TIAM1: variants seen among roughly 807,000 people sequenced by gnomAD.
TIAM1 encodes TIAM Rac1 associated GEF 1, also known as rho guanine nucleotide exchange factor TIAM1.
A neutral mutation model predicts 163.5 loss-of-function variants in TIAM1; 65 were observed. The observed-to-expected ratio is 0.40, with a 90% confidence interval of 0.33 to 0.49. The LOEUF is 0.49. Ranked by LOEUF, TIAM1 falls within the 20% of genes least tolerant of loss-of-function variation. The pLI, the probability that TIAM1 is intolerant of heterozygous loss-of-function variation, is 0.77. For missense variants in TIAM1, 1,789 were observed against 2,044.7 expected (o/e 0.87, Z 2.41); for synonymous variants, 833 against 810.1 (o/e 1.03, Z -0.48).
intron 27 of TIAM1, among the ~76,000 whole-genome samples, chr21:31,121,092 G>A (rs2081984824): frequency 1.3e-5 from 2 of 152,172 alleles, no homozygotes; most frequent in South Asian, 2.1e-4. Context: ...AGGAGAGGTT[G>A]TAGGTTATGG....
At chr21:31,477,187 G>C (rs1463569566) in intron 1 of TIAM1, among the ~76,000 whole-genome samples, 4 of 152,162 alleles carry the variant, frequency 2.6e-5, no homozygotes, top group Non-Finnish European at 5.9e-5. Flanking sequence ...TAATCAGAGG[G>C]AGGTTTCCAC....
At chr21:31,350,202 C>T (rs534415147) in intron 2 of TIAM1, among the ~76,000 whole-genome samples, 22 of 152,252 alleles carry the variant, frequency 1.4e-4, no homozygotes, top group African/African-American at 5.3e-4. Flanking sequence ...AAGTAGCAGG[C>T]CACCCTTGTG....
chr21:31,550,998 G>C (rs1186406508), intron 1 of TIAM1, among the ~76,000 whole-genome samples: 1 of 151,986 alleles, frequency 6.6e-6, no homozygotes, highest in Non-Finnish European at 1.5e-5. Flanking sequence ...GGATCATGAG[G>C]TCAGGAGTTC....
intron 8 of TIAM1, among the ~76,000 whole-genome samples, 166 bp from the exon 9 acceptor site, chr21:31,217,865 G>T (rs1251596407): frequency 2.0e-5 from 3 of 152,168 alleles, no homozygotes; most frequent in African/African-American, 4.8e-5. Flanking sequence ...GACATATTGG[G>T]ACTTTGAGAG....
In TIAM1 at chr21:31,395,652, G is replaced by A. The variant is rs1166625030; in HGVS notation, c.-368-56230C>T. 6.6e-6 allele frequency among the ~76,000 whole-genome samples: 1 copy of A among 152,192 alleles called. No homozygotes were observed. The highest frequency in any genetic ancestry group is 1.5e-5 in the Non-Finnish European group (1 of 68,038). On this transcript the variant is annotated intron_variant, in intron 2 of 28. Transcript: ENST00000286827. The surrounding 1 kb of genome is among the most constrained non-coding windows in gnomAD (Gnocchi z 7.5). ...CACAGAGGGCATGGGGGTAGTAAAA[G>A]GTGCTGGACGAGAGAATAAATATTG...
At chr21:31,163,055 C>T (rs1030189557) in intron 16 of TIAM1, among the ~76,000 whole-genome samples, 2 of 152,056 alleles carry the variant, frequency 1.3e-5, no homozygotes, top group African/African-American at 2.4e-5. Context: ...AACATGGAAA[C>T]GATCTCTCTC....
At position 31,360,605 on chromosome 21, in the gene TIAM1, C is replaced by A. The variant is rs542586721; in HGVS notation, c.-368-21183G>T. Among the ~76,000 whole-genome samples, 17 of 152,080 alleles carry A rather than the reference C, an allele frequency of 1.1e-4. No individual in the cohort carries two copies. In the East Asian group the frequency reaches 3.3e-3, roughly 29 times the overall value. ...AAAAAATAAACAAGACAATAAAATGCAAGCCACACGGTGAGACAATGTTTG... is the reference window on the plus strand; with the variant it reads ...AAAAAATAAACAAGACAATAAAATGAAAGCCACACGGTGAGACAATGTTTG... On this transcript the variant is annotated intron_variant, in intron 2 of 28. Transcript: ENST00000286827.
intron 1 of TIAM1, among the ~76,000 whole-genome samples, chr21:31,493,415 T>A (rs756724913): frequency 5.9e-5 from 9 of 152,084 alleles, no homozygotes; most frequent in Non-Finnish European, 8.8e-5. Flanking sequence ...AGGAAAGGTG[T>A]CATGAGAGAG....
intron 4 of TIAM1, 49 bp from the exon 5 acceptor site, chr21:31,252,238 G>A (rs1191241350): frequency 1.9e-6 from 3 of 1,563,066 alleles, no homozygotes; most frequent in Non-Finnish European, 1.7e-6. Context: ...ACGTGGAGAA[G>A]GAACCCAGGG....
intron 2 of TIAM1, among the ~76,000 whole-genome samples, chr21:31,462,950 C>T (rs149848341): frequency 3.5e-3 from 532 of 152,212 alleles, no homozygotes; most frequent in South Asian, 9.8e-3. Flanking sequence ...ACCATGTTGG[C>T]CAGGCTGGTC....
intron 22 of TIAM1, among the ~76,000 whole-genome samples, chr21:31,136,948 C>T (rs1193667573): frequency 6.6e-6 from 1 of 152,202 alleles, no homozygotes; most frequent in East Asian, 1.9e-4. Flanking sequence ...GCACAGGCAG[C>T]GTGAATGCTG....
chr21:31,380,588 T>TA (rs1007795628), intron 2 of TIAM1, among the ~76,000 whole-genome samples: 9 of 151,820 alleles, frequency 5.9e-5, no homozygotes, highest in African/African-American at 1.9e-4. Context: ...AATATAAAAA[T>TA]AAAAAAATTA....
chr21:31,180,233 T>C (rs551124668), intron 15 of TIAM1, among the ~76,000 whole-genome samples: 15 of 152,128 alleles, frequency 9.9e-5, no homozygotes, highest in East Asian at 9.7e-4. Context: ...AAGAAAGAAA[T>C]AGACGAAAAC....
intron 19 of TIAM1, among the ~76,000 whole-genome samples, chr21:31,150,040 A>G (rs1290421315): frequency 6.6e-6 from 1 of 152,210 alleles, no homozygotes; most frequent in Non-Finnish European, 1.5e-5. Flanking sequence ...ACATATACAC[A>G]TAGGAGACAG....
chr21:31,487,696 T>G (rs908744431), intron 1 of TIAM1, among the ~76,000 whole-genome samples: 6 of 151,758 alleles, frequency 4.0e-5, no homozygotes, highest in African/African-American at 1.5e-4. Context: ...TAGCTGGGAC[T>G]ACAGGCGCCC....
intron 2 of TIAM1, among the ~76,000 whole-genome samples, chr21:31,319,229 A>T (rs1791555469): frequency 3.7e-5 from 3 of 80,774 alleles, no homozygotes; most frequent in Admixed American, 1.3e-4. Context: ...GTGAACTGAT[A>T]AAAAAAAAAA....
At chr21:31,444,780 C>A (rs1274546447) in intron 2 of TIAM1, among the ~76,000 whole-genome samples, 1 of 152,154 alleles carries the variant, frequency 6.6e-6, no homozygotes, top group Non-Finnish European at 1.5e-5. Flanking sequence ...GGGCGGAACA[C>A]CTGAGGTCGG....
At chr21:31,232,388 T>A (rs1361904509) in intron 6 of TIAM1, among the ~76,000 whole-genome samples, 2 of 152,196 alleles carry the variant, frequency 1.3e-5, no homozygotes, top group African/African-American at 4.8e-5. Flanking sequence ...TTCTCTATCA[T>A]GAAGCCAAAT....
intron 1 of TIAM1, among the ~76,000 whole-genome samples, chr21:31,526,364 G>A (rs1253307248): frequency 6.6e-6 from 1 of 152,174 alleles, no homozygotes; most frequent in East Asian, 1.9e-4. Flanking sequence ...GTGCATGCAC[G>A]GCGGAAACTT....
Sources: gnomAD v4.1 joint callset for allele counts (sites outside exome capture counted in the v4.1 genomes callset) on GRCh38, gnomAD v4.1.1 for gene constraint, Gnocchi (gnomAD v3.1) non-coding constraint, MANE v1.5 for transcripts, NCBI Gene and HGNC (gene_info 2026-07-23, HGNC 2026-07-21) for gene names.